PRKG1: variants seen among roughly 807,000 people sequenced by gnomAD.
The protein encoded by PRKG1 is cGMP-dependent protein kinase 1.
PRKG1 carries 35 observed loss-of-function variants against 88.1 expected under a neutral mutation model. The ratio of observed to expected loss-of-function variants is 0.40; its 90% CI spans 0.30 to 0.53. The LOEUF (loss-of-function observed/expected upper bound fraction) is 0.53, where lower values mean the gene tolerates loss of function less well. Among genes scored for constraint, PRKG1 ranks in the 20% least tolerant of loss-of-function variants. PRKG1 has a pLI of 0.59. For synonymous variants in PRKG1, 303 were observed against 292.5 expected (o/e 1.04, Z -0.37); for missense variants, 540 against 839.8 (o/e 0.64, Z 4.41).
At chr10:51,171,801 T>C (rs1837032831) in intron 2 of PRKG1, among the ~76,000 whole-genome samples, 1 of 152,084 alleles carries the variant, frequency 6.6e-6, no homozygotes, top group Non-Finnish European at 1.5e-5. Flanking sequence ...TTATGTTCTC[T>C]CTAAGCCCAC....
At chr10:51,445,737 G>C (rs1045801923) in intron 2 of PRKG1, among the ~76,000 whole-genome samples, 1 of 151,730 alleles carries the variant, frequency 6.6e-6, no homozygotes, top group Non-Finnish European at 1.5e-5. Context: ...AGACTCATAG[G>C]TCTTAAAATG....
intron 3 of PRKG1, among the ~76,000 whole-genome samples, chr10:51,748,250 C>A (rs768529583): frequency 6.6e-6 from 1 of 152,194 alleles, no homozygotes; most frequent in Admixed American, 6.5e-5. Context: ...GGTGCCATTA[C>A]ATGTTCTACG....
At chr10:51,741,249 A>G (rs547473308) in intron 3 of PRKG1, among the ~76,000 whole-genome samples, 1 of 152,286 alleles carries the variant, frequency 6.6e-6, no homozygotes, top group African/African-American at 2.4e-5. Flanking sequence ...ATTTGAAGAT[A>G]TGTATCATGC....
At chr10:51,717,100 G>T (rs1231627686) in intron 3 of PRKG1, among the ~76,000 whole-genome samples, 1 of 152,198 alleles carries the variant, frequency 6.6e-6, no homozygotes, top group Non-Finnish European at 1.5e-5. Flanking sequence ...AATTCCAGCT[G>T]GTTCTTCCAG....
At position 51,038,864 on chromosome 10, in the gene PRKG1, G is replaced by A. The variant is rs28615665; in HGVS notation, c.266+47220G>A. 4.1e-3 allele frequency among the ~76,000 whole-genome samples: 629 copies of A among 152,250 alleles called. 4 individuals carry two copies. Among genetic ancestry groups the A allele is most frequent in the African/African-American group, 0.014 (580 of 41,550 alleles). On this transcript the variant is annotated intron_variant, in intron 1 of 17. Coordinates refer to the PRKG1 transcript ENST00000401604. ...ACACATTACATGCTTGTATCAACAT[G>A]TCTCATCCAACTCATAAATTTATAC...
chr10:51,157,206 C>T (rs1477324368), intron 2 of PRKG1, among the ~76,000 whole-genome samples: 2 of 151,856 alleles, frequency 1.3e-5, no homozygotes, highest in African/African-American at 2.4e-5. Flanking sequence ...AGTATGCAGA[C>T]ATTATCATGT....
intron 9 of PRKG1, among the ~76,000 whole-genome samples, chr10:52,191,053 G>C (rs931204682): frequency 6.6e-6 from 1 of 152,176 alleles, no homozygotes; most frequent in East Asian, 1.9e-4. Context: ...AAGTTGATTT[G>C]TTTGATTCAG....
chr10:51,868,493 T>G (rs1316426302), intron 4 of PRKG1, among the ~76,000 whole-genome samples: 1 of 152,106 alleles, frequency 6.6e-6, no homozygotes, highest in East Asian at 1.9e-4. Flanking sequence ...TTTCTTAAAT[T>G]TATCCAATTT....
chr10:50,992,058 C>T (rs1021069045), intron 1 of PRKG1, among the ~76,000 whole-genome samples: 4 of 152,066 alleles, frequency 2.6e-5, no homozygotes, highest in South Asian at 2.1e-4. Flanking sequence ...CAGCGGCGAC[C>T]CCCCGGACTC....
At chr10:51,410,621 T>C (rs1243152939) in intron 2 of PRKG1, among the ~76,000 whole-genome samples, 2 of 152,134 alleles carry the variant, frequency 1.3e-5, no homozygotes, top group Non-Finnish European at 2.9e-5. Flanking sequence ...GCAGAATCAA[T>C]ACTTTGCATC....
intron 3 of PRKG1, among the ~76,000 whole-genome samples, chr10:51,503,906 C>A (rs1841112948): frequency 6.6e-6 from 1 of 152,038 alleles, no homozygotes; most frequent in Admixed American, 6.6e-5. Flanking sequence ...GAATTTTAAA[C>A]AAATAATCCA....
chr10:51,975,118 G>A (rs1333226455), intron 5 of PRKG1, among the ~76,000 whole-genome samples: 1 of 152,030 alleles, frequency 6.6e-6, no homozygotes, highest in East Asian at 1.9e-4. Flanking sequence ...CATTAAATGT[G>A]TTACCTCTTC....
At chr10:52,123,654 G>A (rs1847870391) in intron 7 of PRKG1, among the ~76,000 whole-genome samples, 1 of 152,030 alleles carries the variant, frequency 6.6e-6, no homozygotes, top group African/African-American at 2.4e-5. Context: ...ATAAATGGCT[G>A]TAGCAATAAC....
intron 5 of PRKG1, among the ~76,000 whole-genome samples, chr10:51,933,922 G>A (rs1190697197): frequency 1.3e-5 from 2 of 152,052 alleles, no homozygotes; most frequent in African/African-American, 4.8e-5. Context: ...ACACTTAGTT[G>A]TAGTATCATC....
chr10:52,282,386 A>C, intron 14 of PRKG1, 70 bp downstream of exon 14: 1 of 1,405,326 alleles, frequency 7.1e-7, no homozygotes, highest in Non-Finnish European at 9.6e-7. Flanking sequence ...TGCTTTTGTC[A>C]CTTGGATTAG....
intron 5 of PRKG1, among the ~76,000 whole-genome samples, chr10:51,995,511 A>G (rs938864559): frequency 6.6e-6 from 1 of 152,194 alleles, no homozygotes; most frequent in Non-Finnish European, 1.5e-5. Flanking sequence ...TGTTTTTACC[A>G]TTCATATGGA....
At chr10:52,157,306 G>GATATATATATATATATATAT (rs142784154) in intron 8 of PRKG1, among the ~76,000 whole-genome samples, 2 of 125,916 alleles carry the variant, frequency 1.6e-5, no homozygotes, top group African/African-American at 5.7e-5. Context: ...TGAGTTAGTT[G>GATATATATATATATATATAT]ATATATATAT....
At chr10:51,813,384 G>A (rs1839505870) in intron 4 of PRKG1, among the ~76,000 whole-genome samples, 1 of 152,018 alleles carries the variant, frequency 6.6e-6, no homozygotes, top group African/African-American at 2.4e-5. Context: ...TTTACATTTA[G>A]GTGCAATAAA....
intron 2 of PRKG1, among the ~76,000 whole-genome samples, chr10:51,258,415 T>C (rs1442626481): frequency 6.6e-6 from 1 of 152,040 alleles, no homozygotes; most frequent in East Asian, 1.9e-4. Flanking sequence ...TAGCTCAGGG[T>C]TTTCAAAGGG....
Sources: gnomAD v4.1 joint callset for allele counts (sites outside exome capture counted in the v4.1 genomes callset) on GRCh38, gnomAD v4.1.1 for gene constraint, MANE v1.5 for transcripts, NCBI Gene and HGNC (gene_info 2026-07-23, HGNC 2026-07-21) for gene names.